PCDHGA12: variants seen among roughly 807,000 people sequenced by gnomAD.
The protein encoded by PCDHGA12 is protocadherin gamma-A12.
Under a neutral mutation model 61.1 loss-of-function variants are expected in PCDHGA12, and 43 were observed. The observed-to-expected ratio is 0.70, with a 90% CI of 0.55 to 0.91. The LOEUF (loss-of-function observed/expected upper bound fraction) is 0.91, where lower values mean the gene tolerates loss of function less well. Ranked by LOEUF, PCDHGA12 falls within the 40% of genes least tolerant of loss-of-function variation. The pLI is 0.00. For synonymous variants in PCDHGA12, 520 were observed against 542.9 expected (o/e 0.96, Z 0.59); for missense variants, 1,236 against 1,227.7 (o/e 1.01, Z -0.10).
chr5:141,430,837 C>G lies in PCDHGA12; in HGVS notation c.78C>G (p.Thr26=), dbSNP rs1350348914. ...LGILLGTLWE[T]GCTQIRYSVP... ...TCCTCCTGGGGACTCTGTGGGAGAC[C>G]GGATGCACCCAGATACGCTATTCAG... Residue 26 remains threonine (T), a synonymous_variant, in exon 1 of 4, where the codon ACC becomes ACG. Coordinates refer to ENST00000252085, the MANE Select transcript of PCDHGA12 (RefSeq NM_003735.3). 6.4e-7 allele frequency: 1 copy of G among 1,560,074 alleles called. No homozygotes were observed. Among genetic ancestry groups the G allele is most frequent in the Non-Finnish European group, 8.6e-7 (1 of 1,156,950 alleles).
At chr5:141,504,643 G>A (rs1049421626) in intron 2 of PCDHGA12, among the ~76,000 whole-genome samples, 3 of 124,276 alleles carry the variant, frequency 2.4e-5, no homozygotes, top group African/African-American at 9.0e-5. Flanking sequence ...AAGGTTTGAT[G>A]ATAGAGTGTT....
At chr5:141,504,817 G>T in intron 2 of PCDHGA12, among the ~76,000 whole-genome samples, 1 of 151,940 alleles carries the variant, frequency 6.6e-6, no homozygotes, top group East Asian at 1.9e-4. Flanking sequence ...TACCTCCTAG[G>T]TCCCCACTTT....
rs1288831801 is a variant in PCDHGA12, at chr5:141,477,793, T to C, written c.2425-17014T>C. The C allele has an allele frequency of 6.2e-7, 1 of 1,614,050 alleles. No homozygotes were observed. The highest frequency in any genetic ancestry group is 2.2e-5 in the East Asian group (1 of 44,874). ...TCAGCGTGAACATATTTGTCACTGATCGCAATGACAATGCCCCCCAGGTCC... is the reference window on the plus strand; with the variant it reads ...TCAGCGTGAACATATTTGTCACTGACCGCAATGACAATGCCCCCCAGGTCC... On this transcript the variant is annotated intron_variant, in intron 1 of 3. Coordinates refer to ENST00000252085, the MANE Select transcript of PCDHGA12 (RefSeq NM_003735.3). This position sits in a 1 kb window ranked among gnomAD's most constrained non-coding sequence, Gnocchi z 4.9.
At chr5:141,473,272 A>G (rs2099318396) in intron 1 of PCDHGA12, among the ~76,000 whole-genome samples, 1 of 152,182 alleles carries the variant, frequency 6.6e-6, no homozygotes, top group African/African-American at 2.4e-5. Flanking sequence ...GTATGCTATG[A>G]TTATTTTACT....
In PCDHGA12 at chr5:141,430,707, C is replaced by T; in HGVS notation, c.-53C>T. ...CATTCTATGGGCGAAGGAACTGCTC[C>T]TGACTTCAGTGGTTAAGGGCAGAAT... is the stretch of plus-strand genomic sequence containing the variant. On this transcript the variant is annotated 5_prime_UTR_variant, in exon 1 of 4. Transcript: ENST00000252085. 1.4e-6 allele frequency: 2 copies of T among 1,478,562 alleles called. No homozygotes were observed. Among genetic ancestry groups the T allele is most frequent in the Non-Finnish European group, 9.0e-7 (1 of 1,114,860 alleles). The allele number at this position is 1,478,562 out of a possible 1,614,324, so 91.6% of individuals were successfully genotyped here. A position where few individuals can be genotyped will look rare whatever the true frequency, so the allele number is the denominator to read the frequency against.
intron 1 of PCDHGA12, among the ~76,000 whole-genome samples, chr5:141,445,248 T>C (rs1264046214): frequency 6.6e-6 from 1 of 152,224 alleles, no homozygotes; most frequent in African/African-American, 2.4e-5. Flanking sequence ...CACTATATTG[T>C]GTGAGAATAT....
rs1168649993 is a variant in PCDHGA12, at chr5:141,432,243, C to G, written c.1484C>G (p.Thr495Ser). The change falls in exon 1 of 4, where the codon ACC (threonine) becomes AGC (serine). Residue 495 changes from threonine (T) to serine (S), a missense_variant. Transcript: ENST00000252085. The surrounding 1 kb of genome is among the most constrained non-coding windows in gnomAD (Gnocchi z 6.0). ...ATCACTTATTCCCTGGCTGAGAACA[C>G]CATCCAAGGGGCAAGCCTATCGTCC... ...AQITYSLAEN[T>S]IQGASLSSYV... 1 of 1,614,244 alleles carries G rather than the reference C, an allele frequency of 6.2e-7. No individual in the cohort carries two copies. Among genetic ancestry groups the G allele is most frequent in the Non-Finnish European group, 8.5e-7 (1 of 1,180,050 alleles).
At chr5:141,506,934 G>A (rs187503673) in intron 3 of PCDHGA12, among the ~76,000 whole-genome samples, 54 of 152,232 alleles carry the variant, frequency 3.5e-4, no homozygotes, top group African/African-American at 1.3e-3. Flanking sequence ...AAACTTTAGG[G>A]GCCTCCTGTC....
At position 141,511,462 on chromosome 5, in the gene PCDHGA12, C is replaced by A. The variant is rs1385398410; in HGVS notation, c.*289C>A. ...AGACACCAAGAACCATTTGCCACAC[C>A]CCGTTTAGTTACAGCTGAACTCCTC... On this transcript the variant is annotated 3_prime_UTR_variant, in exon 4 of 4. Coordinates refer to ENST00000252085, the MANE Select transcript of PCDHGA12 (RefSeq NM_003735.3). The A allele has an allele frequency of 4.7e-5, 26 of 556,350 alleles. No individual in the cohort carries two copies. Among genetic ancestry groups the A allele is most frequent in the Non-Finnish European group, 9.1e-6 (3 of 329,202 alleles). 34.5% of individuals were successfully genotyped at this position (556,350 alleles called of 1,614,324 possible). A position where few individuals can be genotyped will look rare whatever the true frequency, so the allele number is the denominator to read the frequency against.
At chr5:141,480,059 T>G (rs1169389701) in intron 1 of PCDHGA12, among the ~76,000 whole-genome samples, 1 of 152,096 alleles carries the variant, frequency 6.6e-6, no homozygotes, top group African/African-American at 2.4e-5. Context: ...GAATAATAAG[T>G]GTTTTATAAG....
chr5:141,458,922 G>A (rs747489537), intron 1 of PCDHGA12, among the ~76,000 whole-genome samples: 2 of 151,918 alleles, frequency 1.3e-5, no homozygotes, highest in East Asian at 1.9e-4. Flanking sequence ...TTGTGGAGAC[G>A]GGGTCTCACT....
intron 1 of PCDHGA12, among the ~76,000 whole-genome samples, chr5:141,464,886 A>T (rs541933775): frequency 5.2e-4 from 79 of 152,156 alleles, no homozygotes; most frequent in African/African-American, 1.9e-3. Flanking sequence ...CTACAGATGG[A>T]TGCCACCATG....
rs1224625072 is a variant in PCDHGA12 at position 141,490,972 on chromosome 5, C to A, written c.2425-3835C>A. On this transcript the variant is annotated intron_variant, in intron 1 of 3. Transcript: ENST00000252085. The surrounding 1 kb of genome is among the most constrained non-coding windows in gnomAD (Gnocchi z 5.4). ...AGACTGGGAACACTCAGCCCCCCAG[C>A]GTCTCCCTCGCTCTGCTCCTCCTGG... is the stretch of plus-strand genomic sequence containing the variant. 2 of 1,613,912 alleles carry A rather than the reference C, an allele frequency of 1.2e-6. No individual in the cohort carries two copies. Among genetic ancestry groups the A allele is most frequent in the Non-Finnish European group, 1.7e-6 (2 of 1,179,922 alleles).
rs200580042 is a variant in PCDHGA12 at position 141,486,553 on chromosome 5, T to C, written c.2425-8254T>C. 5.4e-5 allele frequency: 87 copies of C among 1,614,028 alleles called. No individual in the cohort carries two copies. The highest frequency in any genetic ancestry group is 7.2e-5 in the Non-Finnish European group (85 of 1,180,046). On this transcript the variant is annotated intron_variant, in intron 1 of 3. Coordinates refer to ENST00000252085, the MANE Select transcript of PCDHGA12 (RefSeq NM_003735.3). The surrounding 1 kb of genome is among the most constrained non-coding windows in gnomAD (Gnocchi z 5.0). ...CACCCTCTTTCTTTCAGAGGTCACA[T>C]GAGGTGTTTGTTCCTGAGAACAATC...
rs1328089059 is a variant in PCDHGA12, at chr5:141,478,532, G to A, written c.2425-16275G>A. 4.4e-6 allele frequency: 7 copies of A among 1,607,742 alleles called. No homozygotes were observed. The East Asian group carries it at 1.6e-4, about 36-fold the overall frequency. On this transcript the variant is annotated intron_variant, in intron 1 of 3. Coordinates refer to ENST00000252085, the MANE Select transcript of PCDHGA12 (RefSeq NM_003735.3). Reference sequence around the variant, plus strand: ...TAGGCAGGTGTTGGGTGCAGAGAGCGCCCCTCCCGGACAGGTAAGGTTTAG... The same window carrying A: ...TAGGCAGGTGTTGGGTGCAGAGAGCACCCCTCCCGGACAGGTAAGGTTTAG...
chr5:141,473,850 G>A (rs1490458424), intron 1 of PCDHGA12, among the ~76,000 whole-genome samples: 1 of 152,184 alleles, frequency 6.6e-6, no homozygotes, highest in African/African-American at 2.4e-5. Flanking sequence ...TTAGGAAGAT[G>A]AACCTCGCTA....
intron 2 of PCDHGA12, among the ~76,000 whole-genome samples, chr5:141,503,998 A>G (rs746158378): frequency 4.6e-5 from 7 of 152,104 alleles, no homozygotes; most frequent in Admixed American, 1.3e-4. Context: ...CCTTACAGTC[A>G]CTTAACTGTC....
intron 1 of PCDHGA12, among the ~76,000 whole-genome samples, chr5:141,460,653 GT>G (rs2098994590): frequency 6.6e-6 from 1 of 151,844 alleles, no homozygotes; most frequent in Admixed American, 6.6e-5. Context: ...TTACACATAT[GT>G]AACTGTAAAC....
chr5:141,476,553 A>G lies in PCDHGA12; in HGVS notation c.2425-18254A>G. On this transcript the variant is annotated intron_variant, in intron 1 of 3. Coordinates refer to ENST00000252085, the MANE Select transcript of PCDHGA12 (RefSeq NM_003735.3). The surrounding 1 kb of genome is among the most constrained non-coding windows in gnomAD (Gnocchi z 7.6). ...CAGGAAATGAAATTGGAGATTAGCG[A>G]GGCCGTGGCTCCGGGGACGCGCTTT... The G allele has an allele frequency of 1.2e-6, 2 of 1,614,226 alleles. No homozygotes were observed. The highest frequency in any genetic ancestry group is 1.7e-6 in the Non-Finnish European group (2 of 1,180,040).
Sources: allele counts gnomAD v4.1 joint callset (sites outside exome capture counted in the v4.1 genomes callset), GRCh38; gene constraint gnomAD v4.1.1; non-coding constraint Gnocchi (gnomAD v3.1); transcripts MANE v1.5; gene names NCBI Gene and HGNC (gene_info 2026-07-23, HGNC 2026-07-21).